The following PPFIA2 variants were observed in gnomAD, a reference collection of about 807,000 sequenced individuals.
The protein encoded by PPFIA2 is liprin-alpha-2.
A neutral mutation model predicts 175.5 loss-of-function variants in PPFIA2; 46 were observed. That is an observed-to-expected ratio of 0.26 (90% CI 0.21 to 0.34). PPFIA2 has a LOEUF of 0.34. Among genes scored for constraint, PPFIA2 ranks in the 10% least tolerant of loss-of-function variants. The pLI, the probability that PPFIA2 is intolerant of heterozygous loss-of-function variation, is 1.00. For missense variants in PPFIA2, 1,179 were observed against 1,506.1 expected, an observed-to-expected ratio of 0.78 and a Z score of 3.60; for synonymous variants, 568 against 511.4, an observed-to-expected ratio of 1.11 and a Z score of -1.49.
intron 22 of PPFIA2, chr12:81,302,808 A>T (rs2048196065): frequency 1.4e-5 from 5 of 356,808 alleles, no homozygotes; most frequent in South Asian, 1.1e-4. Flanking sequence ...TACAAAATTT[A>T]TAAAAGGCAT....
intron 4 of PPFIA2, among the ~76,000 whole-genome samples, chr12:81,564,518 T>G (rs1219683132): frequency 6.6e-6 from 1 of 152,202 alleles, no homozygotes; most frequent in Non-Finnish European, 1.5e-5. Context: ...TTTCCGGAGT[T>G]GGCTGCTTAA....
At chr12:81,275,984 C>T (rs900575654) in intron 28 of PPFIA2, among the ~76,000 whole-genome samples, 4 of 152,042 alleles carry the variant, frequency 2.6e-5, no homozygotes, top group African/African-American at 9.7e-5. Context: ...CAGGGTTTCA[C>T]CATGTTAGCC....
intron 30 of PPFIA2, among the ~76,000 whole-genome samples, chr12:81,264,839 G>A (rs996048884): frequency 2.0e-5 from 3 of 152,166 alleles, no homozygotes; most frequent in Non-Finnish European, 4.4e-5. Context: ...GTGTGTAAAT[G>A]TAGAAAAGAA....
At chr12:81,308,534 A>G (rs2049925434) in intron 22 of PPFIA2, among the ~76,000 whole-genome samples, 2 of 152,162 alleles carry the variant, frequency 1.3e-5, no homozygotes, top group South Asian at 4.2e-4. Flanking sequence ...CATTTCTGAA[A>G]TTTTTCATAA....
At chr12:81,483,565 G>C (rs564707086) in intron 4 of PPFIA2, among the ~76,000 whole-genome samples, 6 of 152,014 alleles carry the variant, frequency 3.9e-5, no homozygotes, top group Non-Finnish European at 5.9e-5. Flanking sequence ...TAGATACAGA[G>C]AAGAGGGTGA....
At chr12:81,666,885 A>G (rs1374118027) in intron 4 of PPFIA2, among the ~76,000 whole-genome samples, 1 of 152,112 alleles carries the variant, frequency 6.6e-6, no homozygotes, top group Non-Finnish European at 1.5e-5. Flanking sequence ...CAGAGTCCAC[A>G]CTCTACACCA....
At chr12:81,628,755 TC>T (rs2063023858) in intron 4 of PPFIA2, among the ~76,000 whole-genome samples, 1 of 151,352 alleles carries the variant, frequency 6.6e-6, no homozygotes, top group African/African-American at 2.5e-5. Flanking sequence ...TTCTCTTTTT[TC>T]TTTTTTCACT....
intron 4 of PPFIA2, among the ~76,000 whole-genome samples, chr12:81,650,291 G>A (rs1296754137): frequency 6.6e-6 from 1 of 152,040 alleles, no homozygotes; most frequent in Non-Finnish European, 1.5e-5. Flanking sequence ...TTACAGGCGT[G>A]AGCCACCGAG....
At chr12:81,597,582 T>G (rs1196469916) in intron 4 of PPFIA2, among the ~76,000 whole-genome samples, 1 of 152,090 alleles carries the variant, frequency 6.6e-6, no homozygotes, top group Non-Finnish European at 1.5e-5. Flanking sequence ...ATAAAATGTG[T>G]TTTAATCTTA....
At chr12:81,562,517 T>C (rs1211027182) in intron 4 of PPFIA2, among the ~76,000 whole-genome samples, 1 of 152,092 alleles carries the variant, frequency 6.6e-6, no homozygotes, top group Non-Finnish European at 1.5e-5. Flanking sequence ...TAAGTTTCAC[T>C]GAGGAATATT....
chr12:81,704,693 C>A (rs1282650039), intron 3 of PPFIA2, among the ~76,000 whole-genome samples: 1 of 151,896 alleles, frequency 6.6e-6, no homozygotes, highest in Non-Finnish European at 1.5e-5. Flanking sequence ...AGTTTTAATA[C>A]CCACAATTCT....
intron 4 of PPFIA2, among the ~76,000 whole-genome samples, chr12:81,666,427 A>T (rs1288068822): frequency 2.6e-5 from 4 of 152,230 alleles, no homozygotes; most frequent in Non-Finnish European, 4.4e-5. Context: ...AATATTATGC[A>T]GCCATAAAAA....
intron 4 of PPFIA2, among the ~76,000 whole-genome samples, chr12:81,635,858 G>A (rs1381869870): frequency 6.6e-6 from 1 of 152,076 alleles, no homozygotes; most frequent in African/African-American, 2.4e-5. Flanking sequence ...CACACTTTAA[G>A]AAGAACATGT....
chr12:81,345,652 TAATC>T (rs2058942758), intron 18 of PPFIA2, among the ~76,000 whole-genome samples: 1 of 152,128 alleles, frequency 6.6e-6, no homozygotes, highest in East Asian at 1.9e-4. Flanking sequence ...AATACAAAAA[TAATC>T]AAAGTATTCC....
intron 3 of PPFIA2, among the ~76,000 whole-genome samples, chr12:81,753,526 T>TAA (rs796161671): frequency 2.9e-5 from 4 of 139,510 alleles, no homozygotes; most frequent in African/African-American, 7.9e-5. Context: ...ATTAGGCATT[T>TAA]AAAAAAAAAA....
rs181888253 is a variant in PPFIA2 at position 81,526,260 on chromosome 12, G to T, written c.304-68394C>A. ...TTACTTGGAATGCCAGAAACAGAGT[G>T]GTCTTTTTCCTGATAGTTGAGAATA... On this transcript the variant is annotated intron_variant, in intron 4 of 32. Coordinates refer to ENST00000549396, the MANE Select transcript of PPFIA2 (RefSeq NM_003625.5). Among the ~76,000 whole-genome samples, 19 of 152,240 alleles carry T rather than the reference G, an allele frequency of 1.2e-4. No homozygotes were observed. The Middle Eastern group carries it at 0.01, about 82-fold the overall frequency.
At chr12:81,349,693 A>G (rs1222820667) in intron 17 of PPFIA2, among the ~76,000 whole-genome samples, 3 of 152,162 alleles carry the variant, frequency 2.0e-5, no homozygotes, top group Non-Finnish European at 4.4e-5. Context: ...TTGGTTATTA[A>G]CTTTAGGTAT....
At chr12:81,422,477 C>T (rs1200237122) in intron 7 of PPFIA2, among the ~76,000 whole-genome samples, 1 of 152,020 alleles carries the variant, frequency 6.6e-6, no homozygotes, top group Non-Finnish European at 1.5e-5. Context: ...TTGGAAAATT[C>T]ACAGCATGGG....
At chr12:81,406,103 A>G (rs2042885454) in intron 7 of PPFIA2, among the ~76,000 whole-genome samples, 200 bp from the exon 8 acceptor site, 1 of 152,212 alleles carries the variant, frequency 6.6e-6, no homozygotes, top group African/African-American at 2.4e-5. Context: ...ACAAAAATTC[A>G]TAATATCTCT....
Sources: allele counts gnomAD v4.1 joint callset (sites outside exome capture counted in the v4.1 genomes callset), GRCh38; gene constraint gnomAD v4.1.1; transcripts MANE v1.5; gene names NCBI Gene and HGNC (gene_info 2026-07-23, HGNC 2026-07-21).